Variants in NAALADL2 observed in about 807,000 individuals in gnomAD.
The protein encoded by NAALADL2 is inactive N-acetylated-alpha-linked acidic dipeptidase-like protein 2.
A neutral mutation model predicts 87.2 loss-of-function variants in NAALADL2; 76 were observed. The ratio of observed to expected loss-of-function variants is 0.87; its 90% CI spans 0.72 to 1.05. NAALADL2 has a LOEUF of 1.05. Among genes scored for constraint, NAALADL2 ranks in the 50% least tolerant of loss-of-function variants. The pLI, the probability that NAALADL2 is intolerant of heterozygous loss-of-function variation, is 0.00. For missense variants in NAALADL2, 1,089 were observed against 945.8 expected, an observed-to-expected ratio of 1.15 and a Z score of -1.99; for synonymous variants, 354 against 331.0, an observed-to-expected ratio of 1.07 and a Z score of -0.75.
In NAALADL2 at chr3:175,569,897, T is replaced by C. The variant is rs549072203; in HGVS notation, c.1654-6144T>C. 5.8e-5 allele frequency among the ~76,000 whole-genome samples: 8 copies of C among 137,280 alleles called. No individual in the cohort carries two copies. The East Asian group carries it at 1.9e-3, about 33-fold the overall frequency. 90.1% of individuals were successfully genotyped at this position (137,280 alleles called of 152,430 possible). A position where few individuals can be genotyped will look rare whatever the true frequency, so the allele number is the denominator to read the frequency against. ...CATTAATAACATAATTATACAGTAA[T>C]ATATAACTATATGAATTTGTGTGTG... On this transcript the variant is annotated intron_variant, in intron 9 of 13. Transcript: ENST00000454872.
At chr3:174,789,101 A>T (rs1473375448) in intron 3 of NAALADL2, among the ~76,000 whole-genome samples, 1 of 152,130 alleles carries the variant, frequency 6.6e-6, no homozygotes, top group Non-Finnish European at 1.5e-5. Context: ...GGTCATTATC[A>T]CTGGAAGAGA....
chr3:175,018,793 C>T (rs1751186951), intron 1 of NAALADL2, among the ~76,000 whole-genome samples: 1 of 152,016 alleles, frequency 6.6e-6, no homozygotes, highest in Non-Finnish European at 1.5e-5. Flanking sequence ...GCAAAGTTTA[C>T]ATAGTGCCTC....
At chr3:175,607,703 C>T (rs984058350) in intron 10 of NAALADL2, among the ~76,000 whole-genome samples, 5 of 152,062 alleles carry the variant, frequency 3.3e-5, no homozygotes, top group Admixed American at 2.0e-4. Context: ...TTCTTGATCA[C>T]ACCTGTAAAA....
At chr3:175,738,243 A>C (rs1000408945) in intron 12 of NAALADL2, among the ~76,000 whole-genome samples, 13 of 150,442 alleles carry the variant, frequency 8.6e-5, no homozygotes, top group African/African-American at 2.9e-4. Context: ...TGAAAATTTA[A>C]TTTTTTTTTT....
chr3:175,347,386 A>C (rs1468922284), intron 5 of NAALADL2, among the ~76,000 whole-genome samples: 1 of 152,172 alleles, frequency 6.6e-6, no homozygotes, highest in Admixed American at 6.5e-5. Flanking sequence ...GGGTATTTAA[A>C]ACTAAATATA....
chr3:174,786,298 A>G (rs978127155), intron 3 of NAALADL2, among the ~76,000 whole-genome samples: 2 of 151,868 alleles, frequency 1.3e-5, no homozygotes, highest in South Asian at 4.2e-4. Context: ...AAAATACCAA[A>G]AAATTAGCCG....
At chr3:175,283,064 C>T (rs1457860857) in intron 4 of NAALADL2, among the ~76,000 whole-genome samples, 2 of 151,962 alleles carry the variant, frequency 1.3e-5, no homozygotes, top group Admixed American at 6.6e-5. Context: ...ATTATAGACA[C>T]AATGTTTGTT....
At chr3:174,579,359 C>T (rs1323194333) in intron 2 of NAALADL2, among the ~76,000 whole-genome samples, 2 of 151,944 alleles carry the variant, frequency 1.3e-5, no homozygotes, top group Admixed American at 1.3e-4. Flanking sequence ...TATTCATTCA[C>T]TGGAATACCC....
chr3:175,446,713 TC>T (rs1720766100), intron 5 of NAALADL2, among the ~76,000 whole-genome samples: 1 of 152,192 alleles, frequency 6.6e-6, no homozygotes, highest in Admixed American at 6.5e-5. Context: ...CATCAAATCC[TC>T]CTGTTTCTGG....
chr3:175,065,511 A>G (rs1714380346), intron 1 of NAALADL2, among the ~76,000 whole-genome samples: 1 of 152,230 alleles, frequency 6.6e-6, no homozygotes, highest in African/African-American at 2.4e-5. Flanking sequence ...CATACAAGGT[A>G]TAGTAATCCC....
intron 3 of NAALADL2, among the ~76,000 whole-genome samples, chr3:174,753,661 T>C (rs1167054768): frequency 6.6e-6 from 1 of 152,120 alleles, no homozygotes; most frequent in Non-Finnish European, 1.5e-5. Flanking sequence ...TTGAATAGTA[T>C]GTGTGAGAGA....
intron 5 of NAALADL2, among the ~76,000 whole-genome samples, chr3:175,344,865 C>G (rs1011479981): frequency 1.3e-5 from 2 of 152,076 alleles, no homozygotes; most frequent in Non-Finnish European, 2.9e-5. Context: ...CAAGTATTTA[C>G]TCTTACAACT....
chr3:174,902,335 T>A (rs1479929445), intron 1 of NAALADL2, among the ~76,000 whole-genome samples: 1 of 152,112 alleles, frequency 6.6e-6, no homozygotes, highest in African/African-American at 2.4e-5. Context: ...TAGAACAGGT[T>A]AGAAATAATG....
chr3:175,615,848 C>T (rs1234894495), intron 10 of NAALADL2, among the ~76,000 whole-genome samples: 1 of 148,910 alleles, frequency 6.7e-6, no homozygotes, highest in African/African-American at 2.5e-5. Flanking sequence ...CAGAGGGAGA[C>T]TCTGTCTCAA....
chr3:175,600,822 C>A (rs546879798), intron 10 of NAALADL2, among the ~76,000 whole-genome samples: 1 of 152,216 alleles, frequency 6.6e-6, no homozygotes, highest in East Asian at 1.9e-4. Flanking sequence ...CAGGCGTGAG[C>A]CACCGCGCCC....
At chr3:175,660,690 AC>A (rs1732130545) in intron 11 of NAALADL2, among the ~76,000 whole-genome samples, 1 of 151,888 alleles carries the variant, frequency 6.6e-6, no homozygotes, top group African/African-American at 2.4e-5. Context: ...TCTGGTAACC[AC>A]CATCCTATGC....
At chr3:175,734,902 C>T (rs1399654165) in intron 11 of NAALADL2, among the ~76,000 whole-genome samples, 2 of 152,196 alleles carry the variant, frequency 1.3e-5, no homozygotes, top group East Asian at 1.9e-4. Flanking sequence ...TAGCATTTGG[C>T]TCCTTTTTTA....
chr3:175,737,358 A>G lies in NAALADL2; in HGVS notation c.1949A>G (p.Asn650Ser). 6.2e-7 allele frequency: 1 copy of G among 1,611,116 alleles called. No individual in the cohort carries two copies. Among genetic ancestry groups the G allele is most frequent in the Non-Finnish European group, 8.5e-7 (1 of 1,177,532 alleles). The change falls in exon 12 of 14, where the codon AAT becomes AGT. Residue 650 changes from asparagine to serine, a missense_variant. Coordinates refer to ENST00000454872, the MANE Select transcript of NAALADL2 (RefSeq NM_207015.3). ...QIANEPVLPF[N>S]ALDIALEVQN... ...GCCAACGAACCTGTTCTGCCCTTTA[A>G]TGCACTTGATATAGCTTTAGAAGTT...
intron 2 of NAALADL2, among the ~76,000 whole-genome samples, chr3:175,220,332 G>A (rs898641454): frequency 1.3e-5 from 2 of 151,610 alleles, no homozygotes; most frequent in Admixed American, 6.6e-5. Flanking sequence ...GGATAACTGG[G>A]TTTGGAAAGT....
Sources: gnomAD v4.1 joint callset for allele counts (sites outside exome capture counted in the v4.1 genomes callset) on GRCh38, gnomAD v4.1.1 for gene constraint, MANE v1.5 for transcripts, NCBI Gene and HGNC (gene_info 2026-07-23, HGNC 2026-07-21) for gene names.